PCDHA7: variants seen among roughly 807,000 people sequenced by gnomAD.
PCDHA7 encodes protocadherin alpha-7.
PCDHA7 carries 37 observed loss-of-function variants against 57.2 expected under a neutral mutation model. That is an observed-to-expected ratio of 0.65 (90% CI 0.50 to 0.85). The LOEUF (loss-of-function observed/expected upper bound fraction) is 0.85. Among genes scored for constraint, PCDHA7 ranks in the 40% least tolerant of loss-of-function variants. The pLI, the probability that PCDHA7 is intolerant of heterozygous loss-of-function variation, is 0.00. For missense variants in PCDHA7, 1,188 were observed against 1,241.8 expected, an observed-to-expected ratio of 0.96 and a Z score of 0.65; for synonymous variants, 553 against 558.8, an observed-to-expected ratio of 0.99 and a Z score of 0.15.
At chr5:140,843,030 T>C in intron 1 of PCDHA7, 1 of 1,594,962 alleles carries the variant, frequency 6.3e-7, no homozygotes, top group African/African-American at 1.3e-5. Flanking sequence ...GAGCCTCGGG[T>C]GGGTGGCACT....
chr5:140,952,767 A>T (rs912245909), intron 1 of PCDHA7, among the ~76,000 whole-genome samples: 13 of 152,298 alleles, frequency 8.5e-5, no homozygotes, highest in African/African-American at 2.9e-4. Flanking sequence ...GAGACTGGAT[A>T]ATTTAGAAAG....
At chr5:140,983,517 G>A (rs1475712929) in intron 3 of PCDHA7, among the ~76,000 whole-genome samples, 2 of 152,196 alleles carry the variant, frequency 1.3e-5, no homozygotes, top group African/African-American at 4.8e-5. Flanking sequence ...TAGACACTGT[G>A]CCAAGTACAT....
chr5:140,869,396 A>C (rs782754440), intron 1 of PCDHA7: 18 of 1,614,242 alleles, frequency 1.1e-5, no homozygotes, highest in East Asian at 2.2e-5. Flanking sequence ...CTGTGCGGGC[A>C]GAGCGCGGAG....
At chr5:140,870,568 G>T (rs1554164428) in intron 1 of PCDHA7, 2 of 1,613,870 alleles carry the variant, frequency 1.2e-6, no homozygotes, top group African/African-American at 1.3e-5. Context: ...GAACGCGCTG[G>T]TGTCCTACTC....
At chr5:140,935,616 C>T (rs1247673748) in intron 1 of PCDHA7, among the ~76,000 whole-genome samples, 13 of 151,976 alleles carry the variant, frequency 8.6e-5, no homozygotes, top group African/African-American at 3.1e-4. Flanking sequence ...TTTTTCAAGT[C>T]GCTTTCAAAT....
intron 1 of PCDHA7, chr5:140,857,734 C>G: frequency 3.1e-6 from 5 of 1,597,392 alleles, no homozygotes; most frequent in Non-Finnish European, 4.3e-6. Flanking sequence ...ACAACGCTCC[C>G]GCGCTGCTGG....
chr5:141,004,697 T>A (rs2098177211), intron 3 of PCDHA7, among the ~76,000 whole-genome samples: 3 of 152,184 alleles, frequency 2.0e-5, no homozygotes, highest in Admixed American at 2.0e-4. Flanking sequence ...AAACCCAGTT[T>A]TAGGTGCCGA....
intron 1 of PCDHA7, chr5:140,858,677 T>A (rs1480959792): frequency 3.2e-6 from 2 of 629,026 alleles, no homozygotes; most frequent in African/African-American, 3.7e-5. Context: ...TTATTCTGAA[T>A]ACACTAATAT....
chr5:140,842,757 C>T (rs1481721691), intron 1 of PCDHA7: 2 of 1,594,844 alleles, frequency 1.3e-6, no homozygotes, highest in Non-Finnish European at 1.7e-6. Flanking sequence ...ACGGTGTCTG[C>T]GCGAGACGCG....
intron 1 of PCDHA7, chr5:140,877,349 T>C (rs1554169631): frequency 1.2e-6 from 2 of 1,613,984 alleles, no homozygotes; most frequent in Admixed American, 3.3e-5. Context: ...CACGTGGGGC[T>C]GTACACTGGC....
chr5:140,842,755 T>A, intron 1 of PCDHA7: 1 of 1,594,888 alleles, frequency 6.3e-7, no homozygotes, highest in Non-Finnish European at 8.6e-7. Context: ...TCACGGTGTC[T>A]GCGCGAGACG....
At chr5:140,877,209 G>C in intron 1 of PCDHA7, 1 of 1,613,794 alleles carries the variant, frequency 6.2e-7, no homozygotes, top group African/African-American at 1.3e-5. Context: ...CAGTTAGCGA[G>C]TTGGTACCGC....
intron 1 of PCDHA7, among the ~76,000 whole-genome samples, chr5:140,975,429 C>T (rs1006180121): frequency 2.6e-5 from 4 of 152,208 alleles, no homozygotes; most frequent in African/African-American, 9.6e-5. Flanking sequence ...AGGGTGTGCA[C>T]ACCAGGATAT....
chr5:140,842,639 A>C, intron 1 of PCDHA7: 1 of 1,595,430 alleles, frequency 6.3e-7, no homozygotes, highest in Non-Finnish European at 8.6e-7. Flanking sequence ...GGCCACCGCC[A>C]GCTTGTCTGT....
chr5:140,888,129 A>G (rs2061706592), intron 1 of PCDHA7, among the ~76,000 whole-genome samples: 2 of 152,024 alleles, frequency 1.3e-5, no homozygotes, highest in Admixed American at 1.3e-4. Flanking sequence ...CTATGGATAT[A>G]TTTTCTTGCT....
intron 1 of PCDHA7, chr5:140,841,441 A>G: frequency 1.2e-6 from 2 of 1,612,978 alleles, no homozygotes; most frequent in Non-Finnish European, 1.7e-6. Context: ...AGGAGGCCAA[A>G]CACGGCACCT....
At chr5:140,994,214 G>A (rs2153923643) in intron 3 of PCDHA7, among the ~76,000 whole-genome samples, 1 of 152,296 alleles carries the variant, frequency 6.6e-6, no homozygotes, top group South Asian at 2.1e-4. Flanking sequence ...ATGGGACCCA[G>A]GGTCTGTCTA....
intron 1 of PCDHA7, among the ~76,000 whole-genome samples, chr5:140,978,099 C>T (rs547323907): frequency 1.1e-4 from 17 of 152,292 alleles, no homozygotes; most frequent in African/African-American, 3.6e-4. Flanking sequence ...ACATAACTCC[C>T]CCAACAGTCT....
At chr5:140,837,111 G>A (rs1774917458) in intron 1 of PCDHA7, 1 of 158,706 alleles carries the variant, frequency 6.3e-6, no homozygotes, top group Non-Finnish European at 1.4e-5. Flanking sequence ...TAATATATAT[G>A]TTACCTAATA....
Sources: allele counts gnomAD v4.1 joint callset (sites outside exome capture counted in the v4.1 genomes callset), GRCh38; gene constraint gnomAD v4.1.1; transcripts MANE v1.5; gene names NCBI Gene and HGNC (gene_info 2026-07-23, HGNC 2026-07-21).